Variants in KCNK13 observed in about 807,000 individuals in gnomAD.
The protein encoded by KCNK13 is potassium two pore domain channel subfamily K member 13.
In KCNK13, 12 loss-of-function variants were observed where a neutral mutation model predicts 23.4. That is an observed-to-expected ratio of 0.51 (90% CI 0.33 to 0.83). KCNK13 has a LOEUF of 0.83. Ranked by LOEUF, KCNK13 falls within the 40% of genes least tolerant of loss-of-function variation. The pLI is 0.02. For missense variants in KCNK13, 463 were observed against 556.3 expected, an observed-to-expected ratio of 0.83 and a Z score of 1.69; for synonymous variants, 231 against 229.5, an observed-to-expected ratio of 1.01 and a Z score of -0.06.
intron 1 of KCNK13, among the ~76,000 whole-genome samples, chr14:90,153,721 A>T (rs926032948): frequency 3.3e-5 from 5 of 152,232 alleles, no homozygotes; most frequent in African/African-American, 1.2e-4. Flanking sequence ...GGATCATGAG[A>T]AGAAACATGG....
chr14:90,164,175 T>C (rs925447472), intron 1 of KCNK13, among the ~76,000 whole-genome samples: 4 of 152,272 alleles, frequency 2.6e-5, no homozygotes, highest in East Asian at 3.8e-4. Flanking sequence ...TTTTTGAACT[T>C]TTCCTCTGCC....
In KCNK13 at chr14:90,181,885, T is replaced by G. The variant is rs560397894; in HGVS notation, c.335-2226T>G. The stretch of plus-strand genomic sequence containing the variant: ...AATGTTTCCCCCTTTTTCTGCCTGT[T>G]TGCTGCATTCAGTTCCCTGTGTTTA... On this transcript the variant is annotated intron_variant, in intron 1 of 1. Coordinates refer to ENST00000282146, the MANE Select transcript of KCNK13 (RefSeq NM_022054.4). Among the ~76,000 whole-genome samples, 433 of 152,346 alleles carry G rather than the reference T, an allele frequency of 2.8e-3. 4 individuals are homozygous for G. Among genetic ancestry groups the G allele is most frequent in the Non-Finnish European group, 4.4e-3 (300 of 68,024 alleles).
At chr14:90,146,437 T>C (rs576372739) in intron 1 of KCNK13, among the ~76,000 whole-genome samples, 2 of 152,232 alleles carry the variant, frequency 1.3e-5, no homozygotes, top group East Asian at 1.9e-4. Flanking sequence ...TGTCTCAGCC[T>C]CCCAAGTAGC....
chr14:90,084,443 G>A (rs919797536), intron 1 of KCNK13, among the ~76,000 whole-genome samples: 2 of 152,066 alleles, frequency 1.3e-5, no homozygotes, highest in Non-Finnish European at 2.9e-5. Context: ...ATTGTTTATT[G>A]CAAGTGTGTA....
intron 1 of KCNK13, among the ~76,000 whole-genome samples, chr14:90,071,346 C>T (rs117396735): frequency 2.0e-5 from 3 of 152,216 alleles, no homozygotes; most frequent in East Asian, 3.9e-4. Context: ...AAAGAGTCTC[C>T]AATTTATAAC....
intron 1 of KCNK13, among the ~76,000 whole-genome samples, chr14:90,084,343 G>A (rs1889247167): frequency 6.6e-6 from 1 of 152,098 alleles, no homozygotes; most frequent in Non-Finnish European, 1.5e-5. Flanking sequence ...GTTTTTTGGA[G>A]CATAAGTTTT....
intron 1 of KCNK13, among the ~76,000 whole-genome samples, chr14:90,083,719 T>G (rs1566948476): frequency 6.6e-6 from 1 of 152,252 alleles, no homozygotes; most frequent in South Asian, 2.1e-4. Flanking sequence ...GTCTTGATCT[T>G]GGACTTTGAA....
At chr14:90,082,854 T>A (rs2140396123) in intron 1 of KCNK13, among the ~76,000 whole-genome samples, 1 of 152,338 alleles carries the variant, frequency 6.6e-6, no homozygotes, top group South Asian at 2.1e-4. Context: ...CTATTCTTTA[T>A]CTTTGGACAA....
In KCNK13 at chr14:90,157,702, C is replaced by CT. The variant is rs34114368; in HGVS notation, c.335-26392dup. Among the ~76,000 whole-genome samples, 113 of 100,302 alleles carry CT rather than the reference C, an allele frequency of 1.1e-3. 8 individuals carry two copies. In the South Asian group the frequency reaches 0.024, roughly 21 times the overall value. The allele number at this position is 100,302 out of a possible 152,430, so 65.8% of individuals were successfully genotyped here. A position where few individuals can be genotyped will look rare whatever the true frequency, so the allele number is the denominator to read the frequency against. Reference sequence around the variant, plus strand: ...GGCCACCATACCTGGCTTGGCTTTCCTTTTTTTTTTTTTTTTTCAGACAGA... The same window carrying CT: ...GGCCACCATACCTGGCTTGGCTTTCCTTTTTTTTTTTTTTTTTTCAGACAGA... On this transcript the variant is annotated intron_variant, in intron 1 of 1. Transcript: ENST00000282146.
chr14:90,077,866 T>C (rs1889158930), intron 1 of KCNK13, among the ~76,000 whole-genome samples: 3 of 152,226 alleles, frequency 2.0e-5, no homozygotes, highest in Admixed American at 2.0e-4. Context: ...GCCTGTTTAC[T>C]ATAAGCCACT....
In KCNK13 at chr14:90,062,336, C is replaced by A; in HGVS notation, c.131C>A (p.Ala44Glu). 6.4e-7 allele frequency: 1 copy of A among 1,554,544 alleles called. No individual in the cohort carries two copies. Among genetic ancestry groups the A allele is most frequent in the Non-Finnish European group, 8.7e-7 (1 of 1,154,728 alleles). Reference protein sequence around the residue: ...GAAVFSALELAHERQAKQRWE... With the variant: ...GAAVFSALELEHERQAKQRWE... The stretch of plus-strand genomic sequence containing the variant: ...GCCGTCTTCTCCGCGCTGGAGCTGG[C>A]GCACGAGCGCCAGGCCAAGCAGCGC... Residue 44 changes from alanine (A) to glutamate (E), a missense_variant, in exon 1 of 2, where the codon GCG becomes GAG. Physicochemically the swap from Ala to Glu is moderately radical, Grantham distance 107. Transcript: ENST00000282146. The surrounding 1 kb of genome is among the most constrained non-coding windows in gnomAD (Gnocchi z 4.5).
In KCNK13 at chr14:90,130,360, C is replaced by T. The variant is rs960386461; in HGVS notation, c.335-53751C>T. ...GATTACAGGCACGCACCACCACGCC[C>T]GGCTAATTTTTGTATTTTTAGTAGA... On this transcript the variant is annotated intron_variant, in intron 1 of 1. Transcript: ENST00000282146. Among the ~76,000 whole-genome samples the T allele has an allele frequency of 2.9e-4, 44 of 151,798 alleles. No homozygotes were observed. The East Asian group carries it at 3.7e-3, about 13-fold the overall frequency.
chr14:90,086,505 C>T (rs984395601), intron 1 of KCNK13, among the ~76,000 whole-genome samples: 3 of 152,152 alleles, frequency 2.0e-5, no homozygotes, highest in Non-Finnish European at 2.9e-5. Flanking sequence ...TGAAATAAAA[C>T]CTATGGCCCC....
rs777833379 is a variant in KCNK13, at chr14:90,062,329, G to C, written c.124G>C (p.Glu42Gln). 1 of 1,555,342 alleles carries C rather than the reference G, an allele frequency of 6.4e-7. No homozygotes were observed. The highest frequency in any genetic ancestry group is 8.7e-7 in the Non-Finnish European group (1 of 1,155,848). ...LGGAAVFSAL[E>Q]LAHERQAKQR... ...CGGCGCCGCCGTCTTCTCCGCGCTG[G>C]AGCTGGCGCACGAGCGCCAGGCCAA... Residue 42 changes from glutamate to glutamine, a missense_variant, in exon 1 of 2, where the codon GAG becomes CAG. Coordinates refer to ENST00000282146, the MANE Select transcript of KCNK13 (RefSeq NM_022054.4). This position sits in a 1 kb window ranked among gnomAD's most constrained non-coding sequence, Gnocchi z 4.5.
At chr14:90,099,073 T>C (rs947534198) in intron 1 of KCNK13, among the ~76,000 whole-genome samples, 1 of 150,894 alleles carries the variant, frequency 6.6e-6, no homozygotes, top group African/African-American at 2.4e-5. Flanking sequence ...AGACTCTGTC[T>C]CTATAAAAAA....
At chr14:90,095,968 C>T (rs1054155977) in intron 1 of KCNK13, among the ~76,000 whole-genome samples, 4 of 152,054 alleles carry the variant, frequency 2.6e-5, no homozygotes, top group African/African-American at 9.7e-5. Context: ...CTCAGGGAAA[C>T]ACTTAGGTTT....
intron 1 of KCNK13, among the ~76,000 whole-genome samples, chr14:90,104,288 G>C (rs1025101812): frequency 6.6e-6 from 1 of 152,136 alleles, no homozygotes; most frequent in African/African-American, 2.4e-5. Context: ...CTGCATTCTT[G>C]TTGGGTGTCA....
chr14:90,089,146 A>T (rs1403876250), intron 1 of KCNK13, among the ~76,000 whole-genome samples: 3 of 152,212 alleles, frequency 2.0e-5, no homozygotes, highest in African/African-American at 7.2e-5. Context: ...AGAGACTGGA[A>T]CAGTTTGGAG....
At chr14:90,144,091 A>G (rs1890044987) in intron 1 of KCNK13, among the ~76,000 whole-genome samples, 1 of 152,198 alleles carries the variant, frequency 6.6e-6, no homozygotes, top group Non-Finnish European at 1.5e-5. Flanking sequence ...GTCATTTGCT[A>G]CAAAAATGCT....
Sources: allele counts gnomAD v4.1 joint callset (sites outside exome capture counted in the v4.1 genomes callset), GRCh38; gene constraint gnomAD v4.1.1; non-coding constraint Gnocchi (gnomAD v3.1); transcripts MANE v1.5; gene names NCBI Gene and HGNC (gene_info 2026-07-23, HGNC 2026-07-21).